Variants in DPP10 observed in about 807,000 individuals in gnomAD.
DPP10 encodes inactive dipeptidyl peptidase 10.
DPP10 carries 33 observed loss-of-function variants against 120.9 expected under a neutral mutation model. The ratio of observed to expected loss-of-function variants is 0.27; its 90% CI spans 0.21 to 0.37. The LOEUF is 0.37. Ranked by LOEUF, DPP10 falls within the 10% of genes least tolerant of loss-of-function variation. The pLI is 1.00. For synonymous variants in DPP10, 337 were observed against 326.1 expected (o/e 1.03, Z -0.36); for missense variants, 816 against 942.8 (o/e 0.87, Z 1.76).
At chr2:115,468,803 G>A (rs951891096) in intron 3 of DPP10, 2 of 460,570 alleles carry the variant, frequency 4.3e-6, no homozygotes, top group South Asian at 3.3e-5. Context: ...GTCTCAAGGT[G>A]TGCAGGTGCC....
At chr2:114,575,962 T>C (rs950442753) in intron 1 of DPP10, among the ~76,000 whole-genome samples, 7 of 152,222 alleles carry the variant, frequency 4.6e-5, no homozygotes, top group African/African-American at 1.7e-4. Flanking sequence ...ATATCAGAGA[T>C]GCGTGATGAA....
At chr2:114,740,487 C>A (rs1367548411) in intron 1 of DPP10, among the ~76,000 whole-genome samples, 1 of 146,112 alleles carries the variant, frequency 6.8e-6, no homozygotes, top group African/African-American at 2.7e-5. Flanking sequence ...TGCACATGTA[C>A]CCTAAAACTT....
chr2:114,551,974 A>G (rs1687920958), intron 1 of DPP10, among the ~76,000 whole-genome samples: 1 of 152,228 alleles, frequency 6.6e-6, no homozygotes, highest in African/African-American at 2.4e-5. Context: ...CCACTCTATG[A>G]AAAAGTAAAA....
intron 4 of DPP10, among the ~76,000 whole-genome samples, chr2:115,510,409 G>T (rs919399979): frequency 2.0e-5 from 3 of 152,022 alleles, no homozygotes; most frequent in African/African-American, 4.8e-5. Flanking sequence ...TTTTTGAAAA[G>T]ATTTTTTTTT....
chr2:114,728,369 C>G (rs1676552478), intron 1 of DPP10, among the ~76,000 whole-genome samples: 1 of 152,114 alleles, frequency 6.6e-6, no homozygotes, highest in Admixed American at 6.5e-5. Flanking sequence ...CTAATCTGGG[C>G]CCTACTATGC....
chr2:114,683,272 A>G (rs1171708364), intron 1 of DPP10, among the ~76,000 whole-genome samples: 1 of 151,984 alleles, frequency 6.6e-6, no homozygotes, highest in Non-Finnish European at 1.5e-5. Context: ...CATTTATTGA[A>G]CAAATATTTA....
intron 4 of DPP10, 78 bp from the exon 5 acceptor site, chr2:115,525,820 G>A (rs1224937448): frequency 1.1e-5 from 12 of 1,085,886 alleles, no homozygotes; most frequent in South Asian, 1.5e-5. Context: ...TATGAAAATT[G>A]ATTTTTTTTT....
chr2:114,516,081 G>C (rs1159193221), intron 1 of DPP10, among the ~76,000 whole-genome samples: 2 of 152,136 alleles, frequency 1.3e-5, no homozygotes, highest in African/African-American at 4.8e-5. Flanking sequence ...TGATTCAGTG[G>C]ATCTGAGGGA....
At chr2:115,329,606 G>C (rs1279283922) in intron 2 of DPP10, among the ~76,000 whole-genome samples, 1 of 151,958 alleles carries the variant, frequency 6.6e-6, no homozygotes, top group South Asian at 2.1e-4. Context: ...CCAATGACAG[G>C]CCCTGGTGTG....
intron 1 of DPP10, among the ~76,000 whole-genome samples, chr2:115,076,444 G>A (rs1707804232): frequency 6.6e-6 from 1 of 151,800 alleles, no homozygotes; most frequent in Non-Finnish European, 1.5e-5. Flanking sequence ...ATCAGAGAGT[G>A]TGCTAAATCT....
intron 1 of DPP10, among the ~76,000 whole-genome samples, chr2:114,495,157 C>A (rs193052871): frequency 2.2e-4 from 33 of 152,202 alleles, no homozygotes; most frequent in Admixed American, 3.9e-4. Flanking sequence ...TGGGCTATTA[C>A]ATGTATGTCT....
chr2:115,626,842 G>A (rs942087789), intron 5 of DPP10, among the ~76,000 whole-genome samples: 3 of 152,118 alleles, frequency 2.0e-5, no homozygotes, highest in Admixed American at 2.0e-4. Flanking sequence ...CTTGATTGAA[G>A]GATGTCATTA....
chr2:114,452,188 T>A (rs1678319693), intron 1 of DPP10, among the ~76,000 whole-genome samples: 1 of 152,202 alleles, frequency 6.6e-6, no homozygotes, highest in African/African-American at 2.4e-5. Flanking sequence ...CAATGCCTAG[T>A]AATACATGAA....
chr2:114,477,548 AGGCCTT>A (rs763168966), intron 1 of DPP10, among the ~76,000 whole-genome samples: 18 of 150,706 alleles, frequency 1.2e-4, no homozygotes, highest in Non-Finnish European at 2.1e-4. Flanking sequence ...TGTATATTGG[AGGCCTT>A]GGCCTTGGAT....
chr2:115,156,994 A>G (rs1164874619), intron 1 of DPP10, among the ~76,000 whole-genome samples: 2 of 152,166 alleles, frequency 1.3e-5, no homozygotes, highest in Non-Finnish European at 2.9e-5. Context: ...TCATTAAATG[A>G]CAACTCTTAA....
intron 5 of DPP10, among the ~76,000 whole-genome samples, chr2:115,562,857 T>TGAAA (rs2080772883): frequency 6.6e-6 from 1 of 152,196 alleles, no homozygotes; most frequent in African/African-American, 2.4e-5. Context: ...CCAAGGAAGT[T>TGAAA]CCATAGCTAT....
chr2:115,051,595 G>A (rs1205919383), intron 1 of DPP10, among the ~76,000 whole-genome samples: 1 of 152,102 alleles, frequency 6.6e-6, no homozygotes, highest in Non-Finnish European at 1.5e-5. Context: ...CATTATAAAT[G>A]CATTTATTGT....
intron 3 of DPP10, among the ~76,000 whole-genome samples, chr2:115,363,859 T>A (rs1304274071): frequency 6.6e-6 from 1 of 152,176 alleles, no homozygotes; most frequent in Non-Finnish European, 1.5e-5. Flanking sequence ...GTGCCCATCA[T>A]CGGGCCAATA....
chr2:115,765,446 T>C (rs921235479), intron 12 of DPP10, among the ~76,000 whole-genome samples: 3 of 152,124 alleles, frequency 2.0e-5, no homozygotes, highest in African/African-American at 4.8e-5. Flanking sequence ...TCTTAGGCAA[T>C]AGAGCTAAAC....
Sources: gnomAD v4.1 joint callset for allele counts (sites outside exome capture counted in the v4.1 genomes callset) on GRCh38, gnomAD v4.1.1 for gene constraint, MANE v1.5 for transcripts, NCBI Gene and HGNC (gene_info 2026-07-23, HGNC 2026-07-21) for gene names.